The following WDR49 variants were observed in gnomAD, a reference collection of about 807,000 sequenced individuals.
The protein encoded by WDR49 is WD repeat domain 49.
A neutral mutation model predicts 119.5 loss-of-function variants in WDR49; 107 were observed. The observed-to-expected ratio is 0.90, with a 90% CI of 0.77 to 1.05. The LOEUF (loss-of-function observed/expected upper bound fraction) is 1.05, where lower values mean the gene tolerates loss of function less well. Among genes scored for constraint, WDR49 ranks in the 50% least tolerant of loss-of-function variants. WDR49 has a pLI of 0.00. For synonymous variants in WDR49, 425 were observed against 418.8 expected (o/e 1.01, Z -0.18); for missense variants, 1,240 against 1,220.5 (o/e 1.02, Z -0.24).
chr3:167,549,401 G>A (rs540930312), intron 10 of WDR49, among the ~76,000 whole-genome samples: 1 of 152,276 alleles, frequency 6.6e-6, no homozygotes, highest in South Asian at 2.1e-4. Context: ...GGTGTGAGAT[G>A]GTATCTCATT....
chr3:167,589,811 G>T (rs890246692), intron 7 of WDR49, among the ~76,000 whole-genome samples: 1 of 151,996 alleles, frequency 6.6e-6, no homozygotes, highest in Admixed American at 6.6e-5. Flanking sequence ...CCATTCTAAT[G>T]TTCTTTGGTG....
chr3:167,643,402 A>G (rs1717972833), intron 2 of WDR49, among the ~76,000 whole-genome samples: 1 of 152,134 alleles, frequency 6.6e-6, no homozygotes, highest in African/African-American at 2.4e-5. Flanking sequence ...ACTGGCATGA[A>G]TTCTTCAAAA....
chr3:167,562,895 G>C (rs1012841768), intron 8 of WDR49, among the ~76,000 whole-genome samples: 7 of 152,220 alleles, frequency 4.6e-5, no homozygotes, highest in Admixed American at 1.3e-4. Context: ...ATTTATCACA[G>C]TGCATGGCAT....
At chr3:167,583,467 G>A (rs982159479) in intron 7 of WDR49, among the ~76,000 whole-genome samples, 9 of 151,892 alleles carry the variant, frequency 5.9e-5, no homozygotes, top group Non-Finnish European at 1.0e-4. Context: ...GGCCGAGGTG[G>A]GAAAATCATT....
intron 7 of WDR49, among the ~76,000 whole-genome samples, chr3:167,590,184 A>G (rs9821610): frequency 0.16 from 23,710 of 152,136 alleles, 2,411 homozygotes; most frequent in Non-Finnish European, 0.24. Context: ...CCTTCATTCC[A>G]TTGACATCAT....
intron 18 of WDR49, among the ~76,000 whole-genome samples, chr3:167,488,379 C>T (rs1301009224): frequency 1.3e-5 from 2 of 151,886 alleles, no homozygotes; most frequent in Non-Finnish European, 2.9e-5. Flanking sequence ...AAAACAGTCA[C>T]TATGGACTAC....
chr3:167,630,650 C>T (rs1717329121), intron 2 of WDR49, among the ~76,000 whole-genome samples: 1 of 152,068 alleles, frequency 6.6e-6, no homozygotes, highest in Admixed American at 6.6e-5. Flanking sequence ...ACAGTGAAGC[C>T]ACATGCAATT....
At chr3:167,494,994 G>A (rs1381561140) in intron 18 of WDR49, among the ~76,000 whole-genome samples, 1 of 152,144 alleles carries the variant, frequency 6.6e-6, no homozygotes, top group African/African-American at 2.4e-5. Flanking sequence ...AAGGTCATCA[G>A]TGTCTCATTC....
intron 7 of WDR49, among the ~76,000 whole-genome samples, chr3:167,580,777 T>C (rs1714491751): frequency 6.6e-6 from 1 of 152,200 alleles, no homozygotes; most frequent in South Asian, 2.1e-4. Flanking sequence ...GTTCTCACCT[T>C]CTTTTATATT....
chr3:167,559,954 C>T, intron 9 of WDR49, 110 bp downstream of exon 9: 2 of 1,183,780 alleles, frequency 1.7e-6, no homozygotes, highest in Non-Finnish European at 2.3e-6. Flanking sequence ...TCTCATTTCT[C>T]TTCTTGCAAT....
intron 17 of WDR49, 94 bp downstream of exon 17, chr3:167,505,213 T>G: frequency 3.9e-6 from 5 of 1,268,762 alleles, no homozygotes; most frequent in Non-Finnish European, 5.0e-6. Context: ...TATTAAGGAA[T>G]AGGAACATTC....
At position 167,597,561 on chromosome 3, in the gene WDR49, C is replaced by T. The variant is rs1404867818; in HGVS notation, c.1275+4566G>A. Among the ~76,000 whole-genome samples, 7 of 152,044 alleles carry T rather than the reference C, an allele frequency of 4.6e-5. No individual in the cohort carries two copies. The East Asian group carries it at 9.7e-4, about 21-fold the overall frequency. Reference sequence around the variant, plus strand: ...GGGTGGATCCACCAACAGCTTGCGTCGTGCACCTGAAAAAGCCACACACAC... The same window carrying T: ...GGGTGGATCCACCAACAGCTTGCGTTGTGCACCTGAAAAAGCCACACACAC... On this transcript the variant is annotated intron_variant, in intron 7 of 18. Coordinates refer to ENST00000682715, the MANE Select transcript of WDR49 (RefSeq NM_001366157.1).
chr3:167,622,677 G>A (rs1716929017), intron 3 of WDR49, among the ~76,000 whole-genome samples: 1 of 151,980 alleles, frequency 6.6e-6, no homozygotes. Flanking sequence ...CTGAAGATCG[G>A]TAAGAAAATG....
intron 7 of WDR49, among the ~76,000 whole-genome samples, chr3:167,583,414 G>A (rs989314357): frequency 6.6e-6 from 1 of 151,874 alleles, no homozygotes; most frequent in Non-Finnish European, 1.5e-5. Context: ...CATAATTTTT[G>A]GCTAGCTGTG....
chr3:167,580,641 C>T (rs916402371), intron 7 of WDR49, among the ~76,000 whole-genome samples: 2 of 152,074 alleles, frequency 1.3e-5, no homozygotes, highest in Non-Finnish European at 2.9e-5. Flanking sequence ...TAATTGTATT[C>T]CCCTTCTTTT....
At chr3:167,586,014 G>A (rs1279418545) in intron 7 of WDR49, among the ~76,000 whole-genome samples, 1 of 152,100 alleles carries the variant, frequency 6.6e-6, no homozygotes, top group East Asian at 1.9e-4. Context: ...ATGGGGAACA[G>A]TGTGGAAAAA....
Position 167,500,233 on chromosome 3 carries a change from A to T in WDR49, c.2951T>A (p.Leu984His), listed in dbSNP as rs561933031. ...CCTAAAGTATTTCTCAGGGTCTAGA[A>T]GGAAAGCAGGTTTATTCACTTCAGG... Reference protein sequence around the residue: ...ELPEVNKPAFLLDPEKYFRKE... With the variant: ...ELPEVNKPAFHLDPEKYFRKE... The change falls in exon 18 of 19, where the codon CTT becomes CAT. Residue 984 changes from leucine to histidine, a missense_variant. Coordinates refer to ENST00000682715, the MANE Select transcript of WDR49 (RefSeq NM_001366157.1). 2.5e-6 allele frequency: 4 copies of T among 1,606,128 alleles called. No individual in the cohort carries two copies. The highest frequency in any genetic ancestry group is 3.4e-6 in the Non-Finnish European group (4 of 1,177,800).
intron 18 of WDR49, among the ~76,000 whole-genome samples, chr3:167,481,095 C>T (rs1161486051): frequency 4.0e-5 from 6 of 148,170 alleles, no homozygotes; most frequent in African/African-American, 1.5e-4. Context: ...CTCATTAAAG[C>T]TAATTAATTA....
intron 10 of WDR49, among the ~76,000 whole-genome samples, chr3:167,538,034 C>T (rs1259162576): frequency 6.6e-6 from 1 of 152,062 alleles, no homozygotes; most frequent in African/African-American, 2.4e-5. Flanking sequence ...TTCTCTCACC[C>T]TTTTTAACAT....
Sources: gnomAD v4.1 joint callset for allele counts (sites outside exome capture counted in the v4.1 genomes callset) on GRCh38, gnomAD v4.1.1 for gene constraint, MANE v1.5 for transcripts, NCBI Gene and HGNC (gene_info 2026-07-23, HGNC 2026-07-21) for gene names.